STRIP1: variants seen among roughly 807,000 people sequenced by gnomAD.
The protein encoded by STRIP1 is striatin interacting protein 1.
A neutral mutation model predicts 106.2 loss-of-function variants in STRIP1; 63 were observed. The ratio of observed to expected loss-of-function variants is 0.59; its 90% CI spans 0.48 to 0.73. STRIP1 has a LOEUF of 0.73. STRIP1 is among the 30% of genes least tolerant of loss of function. STRIP1 has a pLI of 0.00. For missense variants in STRIP1, 857 were observed against 1,074.8 expected, an observed-to-expected ratio of 0.80 and a Z score of 2.83; for synonymous variants, 390 against 413.0, an observed-to-expected ratio of 0.94 and a Z score of 0.67.
intron 9 of STRIP1, 49 bp downstream of exon 9, chr1:110,043,319 T>C: frequency 1.3e-6 from 2 of 1,569,878 alleles, no homozygotes; most frequent in Non-Finnish European, 1.7e-6. Flanking sequence ...TCAAGGTGCA[T>C]GCTTGCAGCA....
chr1:110,042,722 AC>A (rs1181901063), intron 8 of STRIP1, among the ~76,000 whole-genome samples: 2 of 152,162 alleles, frequency 1.3e-5, no homozygotes, highest in African/African-American at 2.4e-5. Flanking sequence ...TTCTAATTTG[AC>A]TTTGAAAGAC....
intron 18 of STRIP1, 91 bp from the exon 19 acceptor site, chr1:110,050,865 G>T (rs571304952): frequency 5.3e-6 from 4 of 761,822 alleles, no homozygotes. Flanking sequence ...CTGGAGACCC[G>T]GCTGTCCTGA....
At position 110,050,533 on chromosome 1, in the gene STRIP1, G is replaced by A. The variant is rs375044201; in HGVS notation, c.1956+124G>A. On this transcript the variant is annotated intron_variant, in intron 18 of 20. Coordinates refer to ENST00000369795, the MANE Select transcript of STRIP1 (RefSeq NM_033088.4). ...CAGGTGAAATCACTGTGGAGTGCCC[G>A]GCTTTTAAAGCACTGTAAGTGTACA... is the stretch of plus-strand genomic sequence containing the variant. The A allele has an allele frequency of 4.7e-4, 422 of 899,894 alleles. 2 individuals carry two copies. The highest frequency in any genetic ancestry group is 8.7e-4 in the South Asian group (57 of 65,452). 55.7% of individuals were successfully genotyped at this position (899,894 alleles called of 1,614,324 possible). A position where few individuals can be genotyped will look rare whatever the true frequency, so the allele number is the denominator to read the frequency against.
rs201545264 is a variant in STRIP1, at chr1:110,039,417, G to A, written c.483G>A (p.Ser161=). The A allele has an allele frequency of 6.2e-6, 10 of 1,614,106 alleles. No individual in the cohort carries two copies. The highest frequency in any genetic ancestry group is 5.3e-5 in the African/African-American group (4 of 75,064). Residue 161 remains serine (S), a synonymous_variant, in exon 5 of 21, where the codon TCG becomes TCA. Coordinates refer to ENST00000369795, the MANE Select transcript of STRIP1 (RefSeq NM_033088.4). ...CAGGCACGTTTGGGGAGTGCAGCTCGGAGGCAGAGGTGCAGTCCTGGATGC... is the reference window on the plus strand; with the variant it reads ...CAGGCACGTTTGGGGAGTGCAGCTCAGAGGCAGAGGTGCAGTCCTGGATGC... ...VAQGTFGECS[S]EAEVQSWMRY...
Position 110,047,541 on chromosome 1 carries a change from G to A in STRIP1, c.1489-1G>A. The A allele has an allele frequency of 1.2e-6, 2 of 1,610,536 alleles. No individual in the cohort carries two copies. Among genetic ancestry groups the A allele is most frequent in the Non-Finnish European group, 1.7e-6 (2 of 1,178,234 alleles). On this transcript the variant is annotated splice_acceptor_variant, in intron 13 of 20. Transcript: ENST00000369795. LOFTEE classifies it high-confidence loss of function. ...TATGCTTGTACTCATTATGTTAAAAGGGAGAAGAAGAAGTTGAGCAAGTCC... is the reference window on the plus strand; with the variant it reads ...TATGCTTGTACTCATTATGTTAAAAAGGAGAAGAAGAAGTTGAGCAAGTCC...
intron 15 of STRIP1, among the ~76,000 whole-genome samples, chr1:110,048,573 A>G (rs140993071): frequency 1.1e-4 from 17 of 152,370 alleles, no homozygotes; most frequent in African/African-American, 4.1e-4. Flanking sequence ...CTAGGCCATC[A>G]TGTGATGGTC....
intron 8 of STRIP1, 140 bp downstream of exon 8, chr1:110,042,001 AG>A (rs1652788524): frequency 2.9e-6 from 3 of 1,039,832 alleles, no homozygotes. Flanking sequence ...AGCTGCTAAA[AG>A]GAGATGACAA....
At chr1:110,047,036 C>T (rs530324225) in intron 13 of STRIP1, among the ~76,000 whole-genome samples, 4 of 152,184 alleles carry the variant, frequency 2.6e-5, no homozygotes, top group East Asian at 1.9e-4. Flanking sequence ...GGCGACAGAG[C>T]GAGACCATCT....
In STRIP1 at chr1:110,034,629, G is replaced by A; in HGVS notation, c.-9G>A. On this transcript the variant is annotated 5_prime_UTR_variant, in exon 1 of 21. Coordinates refer to ENST00000369795, the MANE Select transcript of STRIP1 (RefSeq NM_033088.4). ...GCGCGAGTTAAGCTGGGGGTGTGGA[G>A]CAGCCAAGATGGAGCCGGCAGTCGG... 1 of 1,517,176 alleles carries A rather than the reference G, an allele frequency of 6.6e-7. No individual in the cohort carries two copies. Among genetic ancestry groups the A allele is most frequent in the Non-Finnish European group, 8.8e-7 (1 of 1,133,790 alleles). 94.0% of individuals were successfully genotyped at this position (1,517,176 alleles called of 1,614,324 possible).
intron 2 of STRIP1, 106 bp from the exon 3 acceptor site, chr1:110,038,577 G>A (rs1045091112): frequency 1.2e-6 from 1 of 819,774 alleles, no homozygotes; most frequent in Non-Finnish European, 2.0e-6. Flanking sequence ...TATGACTCAG[G>A]GGCAGAGTTG....
At chr1:110,043,376 G>A (rs1652867250) in intron 9 of STRIP1, 106 bp downstream of exon 9, 1 of 1,235,600 alleles carries the variant, frequency 8.1e-7, no homozygotes, top group African/African-American at 1.5e-5. Context: ...TCTCTGATCA[G>A]CCAGTCAGAA....
chr1:110,053,155 C>T (rs1374765943), intron 20 of STRIP1, among the ~76,000 whole-genome samples: 4 of 152,250 alleles, frequency 2.6e-5, no homozygotes, highest in Non-Finnish European at 5.9e-5. Context: ...AGGCACTCTT[C>T]TTTCGCCCAC....
intron 20 of STRIP1, 111 bp from the exon 21 acceptor site, chr1:110,053,554 G>A: frequency 6.9e-7 from 1 of 1,446,608 alleles, no homozygotes; most frequent in Non-Finnish European, 9.4e-7. Context: ...CTGAGGATGA[G>A]CTCGGAGGTA....
At chr1:110,041,984 T>C (rs1361933148) in intron 8 of STRIP1, 123 bp downstream of exon 8, 1 of 1,169,214 alleles carries the variant, frequency 8.6e-7, no homozygotes, top group Non-Finnish European at 1.2e-6. Context: ...AAAAAAATTA[T>C]TTAAAAAGCT....
intron 15 of STRIP1, among the ~76,000 whole-genome samples, chr1:110,048,885 A>G (rs2101782411): frequency 6.6e-6 from 1 of 152,292 alleles, no homozygotes; most frequent in South Asian, 2.1e-4. Context: ...AGAGAAACAG[A>G]CTGAGAATGT....
At chr1:110,049,404 G>T in intron 16 of STRIP1, 56 bp from the exon 17 acceptor site, 1 of 1,555,886 alleles carries the variant, frequency 6.4e-7, no homozygotes, top group South Asian at 1.1e-5. Context: ...GAGGAAAGAG[G>T]GCAAGGTCCC....
In STRIP1 at chr1:110,053,709, C is replaced by G. The variant is rs1192701558; in HGVS notation, c.2311C>G (p.Leu771Val). The change falls in exon 21 of 21, where the codon CTT becomes GTT. Residue 771 changes from leucine to valine, a missense_variant. Physicochemically the swap from Leu to Val is conservative, Grantham distance 32. Transcript: ENST00000369795. ...GGACTTCCAGGCAGAGGAGTGTGCCCTTCGTGCCAACATTGAACGCTTCAA... is the reference window on the plus strand; with the variant it reads ...GGACTTCCAGGCAGAGGAGTGTGCCGTTCGTGCCAACATTGAACGCTTCAA... Reference protein sequence around the residue: ...PWDFQAEECALRANIERFNAR... With the variant: ...PWDFQAEECAVRANIERFNAR... The G allele has an allele frequency of 3.7e-6, 6 of 1,614,120 alleles. No individual in the cohort carries two copies. In the South Asian group the frequency reaches 5.5e-5, roughly 15 times the overall value.
At chr1:110,049,627 C>T (rs1023677295) in intron 17 of STRIP1, 67 bp downstream of exon 17, 2 of 1,140,058 alleles carry the variant, frequency 1.8e-6, no homozygotes, top group Admixed American at 3.8e-5. Context: ...GCTGGTATTT[C>T]CCACTGTGTC....
chr1:110,041,428 C>T lies in STRIP1; in HGVS notation c.651-108C>T, dbSNP rs907170779. On this transcript the variant is annotated intron_variant, in intron 6 of 20. Coordinates refer to ENST00000369795, the MANE Select transcript of STRIP1 (RefSeq NM_033088.4). ...TTGTTCATACTCATTTATTCAGATA[C>T]CATTTATTAATAGTAAGCCCCTGCT... The T allele has an allele frequency of 4.3e-6, 3 of 705,006 alleles. No homozygotes were observed. The African/African-American group carries it at 5.4e-5, about 13-fold the overall frequency. The allele number at this position is 705,006 out of a possible 1,614,324, so 43.7% of individuals were successfully genotyped here.
Sources: gnomAD v4.1 joint callset for allele counts (sites outside exome capture counted in the v4.1 genomes callset) on GRCh38, gnomAD v4.1.1 for gene constraint, MANE v1.5 for transcripts, NCBI Gene and HGNC (gene_info 2026-07-23, HGNC 2026-07-21) for gene names.